The following AGPAT4 variants were observed in gnomAD, a reference collection of about 807,000 sequenced individuals.
The protein encoded by AGPAT4 is 1-acyl-sn-glycerol-3-phosphate acyltransferase delta.
Under a neutral mutation model 48.0 loss-of-function variants are expected in AGPAT4, and 15 were observed. The ratio of observed to expected loss-of-function variants is 0.31; its 90% CI spans 0.21 to 0.48. The LOEUF (loss-of-function observed/expected upper bound fraction) is 0.48. AGPAT4 is among the 20% of genes least tolerant of loss of function. The pLI is 0.99. For missense variants in AGPAT4, 314 were observed against 482.5 expected, an observed-to-expected ratio of 0.65 and a Z score of 3.27; for synonymous variants, 178 against 198.7, an observed-to-expected ratio of 0.90 and a Z score of 0.88.
Position 161,254,527 on chromosome 6 carries a change from G to C in AGPAT4, c.-90+19411C>G, listed in dbSNP as rs181684360. Among the ~76,000 whole-genome samples the C allele has an allele frequency of 2.0e-5, 3 of 152,332 alleles. No individual in the cohort carries two copies. The highest frequency in any genetic ancestry group is 2.0e-4 in the Admixed American group (3 of 15,296). ...ATAGAGCCTCTACCGCGTGGCCCTG[G>C]TGATCTTTTCTCACGGCCATGTTCT... is the stretch of plus-strand genomic sequence containing the variant. On this transcript the variant is annotated intron_variant, in intron 1 of 8. Coordinates refer to ENST00000320285, the MANE Select transcript of AGPAT4 (RefSeq NM_020133.3). The surrounding 1 kb of genome is among the most constrained non-coding windows in gnomAD (Gnocchi z 5.9).
intron 1 of AGPAT4, among the ~76,000 whole-genome samples, chr6:161,237,005 C>T (rs551178255): frequency 3.3e-5 from 5 of 152,120 alleles, no homozygotes; most frequent in East Asian, 1.9e-4. Flanking sequence ...AAAGGGATCG[C>T]GGAAACACAA....
intron 2 of AGPAT4, among the ~76,000 whole-genome samples, chr6:161,211,279 T>C (rs1299381903): frequency 6.6e-6 from 1 of 152,184 alleles, no homozygotes; most frequent in African/African-American, 2.4e-5. Context: ...GATATTTCAT[T>C]ATTTGGGTAT....
Position 161,161,793 on chromosome 6 carries a change from G to C in AGPAT4, c.348+4455C>G, listed in dbSNP as rs542450319. On this transcript the variant is annotated intron_variant, in intron 3 of 8. Coordinates refer to ENST00000320285, the MANE Select transcript of AGPAT4 (RefSeq NM_020133.3). This position sits in a 1 kb window ranked among gnomAD's most constrained non-coding sequence, Gnocchi z 4.6. The stretch of plus-strand genomic sequence containing the variant: ...TCAACACTCACTGGACACGTATTTT[G>C]AAGGTATATCAATTGCTATCGTTGT... The C allele has an allele frequency of 1.0e-5, 3 of 300,504 alleles. No individual in the cohort carries two copies. The highest frequency in any genetic ancestry group is 9.7e-5 in the South Asian group (3 of 30,954). 18.6% of individuals were successfully genotyped at this position (300,504 alleles called of 1,614,324 possible). A position where few individuals can be genotyped will look rare whatever the true frequency, so the allele number is the denominator to read the frequency against.
chr6:161,199,006 A>G (rs1175023512), intron 2 of AGPAT4, among the ~76,000 whole-genome samples: 1 of 152,142 alleles, frequency 6.6e-6, no homozygotes, highest in Non-Finnish European at 1.5e-5. Flanking sequence ...CCTTTGGGAC[A>G]GATTACGTAT....
chr6:161,235,169 A>G lies in AGPAT4; in HGVS notation c.-89-2867T>C, dbSNP rs1036937056. ...CTGCCCTGTCTCTTATTAGTTGTGT[A>G]TTGGTACCCTATTTTGGGCACATTA... On this transcript the variant is annotated intron_variant, in intron 1 of 8. Transcript: ENST00000320285. This position sits in a 1 kb window ranked among gnomAD's most constrained non-coding sequence, Gnocchi z 6.2. Among the ~76,000 whole-genome samples, 2 of 152,108 alleles carry G rather than the reference A, an allele frequency of 1.3e-5. No individual in the cohort carries two copies. Among genetic ancestry groups the G allele is most frequent in the African/African-American group, 4.8e-5 (2 of 41,412 alleles).
In AGPAT4 at chr6:161,219,916, C is replaced by CAGGCAGGCAGGCAGGCGGCAGGCAGGCA. The variant is rs770490075; in HGVS notation, c.178+12119_178+12120insTGCCTGCCTGCCGCCTGCCTGCCTGCCT. On this transcript the variant is annotated intron_variant, in intron 2 of 8. Transcript: ENST00000320285. The surrounding 1 kb of genome is among the most constrained non-coding windows in gnomAD (Gnocchi z 4.9). Reference sequence around the variant, plus strand: ...GCAGGCAGGCAGGCAGGCAGGCAGGCGGCAGGCAGGCAGGCAGGCAGGCAG... The same window carrying CAGGCAGGCAGGCAGGCGGCAGGCAGGCA: ...GCAGGCAGGCAGGCAGGCAGGCAGGCAGGCAGGCAGGCAGGCGGCAGGCAGGCAGGCAGGCAGGCAGGCAGGCAGGCAG... Among the ~76,000 whole-genome samples, 3 of 106,042 alleles carry CAGGCAGGCAGGCAGGCGGCAGGCAGGCA rather than the reference C, an allele frequency of 2.8e-5. No homozygotes were observed. The highest frequency in any genetic ancestry group is 9.2e-5 in the Admixed American group (1 of 10,812). 69.6% of individuals were successfully genotyped at this position (106,042 alleles called of 152,430 possible).
rs1473117469 is a variant in AGPAT4 at position 161,219,909 on chromosome 6, A to AGGCG, written c.178+12126_178+12127insCGCC. 7.9e-6 allele frequency among the ~76,000 whole-genome samples: 1 copy of AGGCG among 126,004 alleles called. No homozygotes were observed. The highest frequency in any genetic ancestry group is 1.7e-5 in the Non-Finnish European group (1 of 59,008). 82.7% of individuals were successfully genotyped at this position (126,004 alleles called of 152,430 possible). On this transcript the variant is annotated intron_variant, in intron 2 of 8. Coordinates refer to ENST00000320285, the MANE Select transcript of AGPAT4 (RefSeq NM_020133.3). This position sits in a 1 kb window ranked among gnomAD's most constrained non-coding sequence, Gnocchi z 4.9. ...CAGGCAGGCAGGCAGGCAGGCAGGC[A>AGGCG]GGCAGGCGGCAGGCAGGCAGGCAGG...
At chr6:161,183,725 A>G (rs1201860397) in intron 2 of AGPAT4, among the ~76,000 whole-genome samples, 4 of 57,852 alleles carry the variant, frequency 6.9e-5, no homozygotes, top group African/African-American at 2.3e-4. Flanking sequence ...AGGAGATGGG[A>G]GAAGAGGGGA....
At chr6:161,192,035 C>T (rs11970102) in intron 2 of AGPAT4, among the ~76,000 whole-genome samples, 21,752 of 126,722 alleles carry the variant, frequency 0.17, 2,758 homozygotes, top group African/African-American at 0.42. Flanking sequence ...TTGTGCATTC[C>T]TTTTTTTTTT....
In AGPAT4 at chr6:161,130,841, C is replaced by G. The variant is rs533535203; in HGVS notation, c.*5699G>C. On this transcript the variant is annotated 3_prime_UTR_variant, in exon 9 of 9. Coordinates refer to ENST00000320285, the MANE Select transcript of AGPAT4 (RefSeq NM_020133.3). Reference sequence around the variant, plus strand: ...CTTTACAAGTCTGAGCCATCCCGTACTAGTTCATCAACTTTCCTTCCTCAT... The same window carrying G: ...CTTTACAAGTCTGAGCCATCCCGTAGTAGTTCATCAACTTTCCTTCCTCAT... 5.8e-6 allele frequency: 3 copies of G among 518,920 alleles called. No individual in the cohort carries two copies. Among genetic ancestry groups the G allele is most frequent in the Non-Finnish European group, 1.2e-5 (3 of 259,878 alleles). The allele number at this position is 518,920 out of a possible 1,614,324, so 32.1% of individuals were successfully genotyped here. A position where few individuals can be genotyped will look rare whatever the true frequency, so the allele number is the denominator to read the frequency against.
chr6:161,139,606 C>T lies in AGPAT4; in HGVS notation c.858G>A (p.Glu286=), dbSNP rs1341782120. ...KLYQEKDAFQ[E]EYYRTGTFPE... ...GGAAGGTGCCCGTCCTGTAGTACTC[C>T]TCCTGAAAGGCATCCTGGGGGACAG... is the stretch of plus-strand genomic sequence containing the variant. Residue 286 remains glutamate (E), a synonymous_variant, in exon 8 of 9, where the codon GAG becomes GAA. Coordinates refer to ENST00000320285, the MANE Select transcript of AGPAT4 (RefSeq NM_020133.3). This position sits in a 1 kb window ranked among gnomAD's most constrained non-coding sequence, Gnocchi z 9.1. The T allele has an allele frequency of 2.5e-6, 4 of 1,603,960 alleles. No homozygotes were observed. The Admixed American group carries it at 6.7e-5, about 27-fold the overall frequency.
chr6:161,215,975 G>T lies in AGPAT4; in HGVS notation c.178+16061C>A, dbSNP rs1478679469. Among the ~76,000 whole-genome samples, 1 of 152,172 alleles carries T rather than the reference G, an allele frequency of 6.6e-6. No homozygotes were observed. Among genetic ancestry groups the T allele is most frequent in the Non-Finnish European group, 1.5e-5 (1 of 68,030 alleles). Reference sequence around the variant, plus strand: ...GGCTATCAAACCTCCTCTGCCCCTAGAGCTGGAAAGCTGTCCAGGCTCACA... The same window carrying T: ...GGCTATCAAACCTCCTCTGCCCCTATAGCTGGAAAGCTGTCCAGGCTCACA... On this transcript the variant is annotated intron_variant, in intron 2 of 8. Transcript: ENST00000320285. The surrounding 1 kb of genome is among the most constrained non-coding windows in gnomAD (Gnocchi z 4.5).
Position 161,136,474 on chromosome 6 carries a change from C to A in AGPAT4, c.*66G>T. 6.9e-7 allele frequency: 1 copy of A among 1,448,758 alleles called. No homozygotes were observed. The highest frequency in any genetic ancestry group is 9.7e-7 in the Non-Finnish European group (1 of 1,034,134). 89.7% of individuals were successfully genotyped at this position (1,448,758 alleles called of 1,614,324 possible). On this transcript the variant is annotated 3_prime_UTR_variant, in exon 9 of 9. Transcript: ENST00000320285. ...ACCCAGCCTTTGTCACCGTGTCCCA[C>A]TAAGGAGGATATGCAGAGGCCACCA...
intron 5 of AGPAT4, among the ~76,000 whole-genome samples, chr6:161,152,372 G>A (rs1030429995): frequency 1.3e-5 from 2 of 152,140 alleles, no homozygotes; most frequent in African/African-American, 2.4e-5. Context: ...GCGCTGGCCC[G>A]GGTGTGCAGC....
At chr6:161,187,127 G>A (rs926737790) in intron 2 of AGPAT4, among the ~76,000 whole-genome samples, 12 of 152,224 alleles carry the variant, frequency 7.9e-5, no homozygotes, top group African/African-American at 2.4e-4. Context: ...CAGAACTGCT[G>A]TGAACATCTA....
intron 1 of AGPAT4, among the ~76,000 whole-genome samples, chr6:161,237,496 A>G (rs1261568564): frequency 6.6e-6 from 1 of 152,238 alleles, no homozygotes; most frequent in Non-Finnish European, 1.5e-5. Context: ...GGTTAAATAC[A>G]TAGGGGATGT....
rs748317211 is a variant in AGPAT4, at chr6:161,225,616, G to C, written c.178+6420C>G. Among the ~76,000 whole-genome samples, 34 of 152,282 alleles carry C rather than the reference G, an allele frequency of 2.2e-4. No homozygotes were observed. Among genetic ancestry groups the C allele is most frequent in the Admixed American group, 1.3e-3 (20 of 15,296 alleles). On this transcript the variant is annotated intron_variant, in intron 2 of 8. Coordinates refer to ENST00000320285, the MANE Select transcript of AGPAT4 (RefSeq NM_020133.3). This position sits in a 1 kb window ranked among gnomAD's most constrained non-coding sequence, Gnocchi z 5.0. ...TTCGTCAGTTTCTGGAAGCAACCCC[G>C]CTAGCCCATCACTGGTGGAAGCAGA...
intron 1 of AGPAT4, among the ~76,000 whole-genome samples, chr6:161,241,002 C>G (rs1330300152): frequency 6.6e-6 from 1 of 152,094 alleles, no homozygotes; most frequent in African/African-American, 2.4e-5. Context: ...CAGCGGCTCA[C>G]ACCTGTAATC....
rs1779352764 is a variant in AGPAT4 at position 161,144,458 on chromosome 6, A to G, written c.843+2066T>C. Reference sequence around the variant, plus strand: ...TTTAAATGTGAACATAGTTTAGAGGAAAACACCCTAAGAGACTTTTAACAA... The same window carrying G: ...TTTAAATGTGAACATAGTTTAGAGGGAAACACCCTAAGAGACTTTTAACAA... On this transcript the variant is annotated intron_variant, in intron 7 of 8. Transcript: ENST00000320285. The surrounding 1 kb of genome is among the most constrained non-coding windows in gnomAD (Gnocchi z 6.6). 6.6e-6 allele frequency among the ~76,000 whole-genome samples: 1 copy of G among 152,168 alleles called. No homozygotes were observed. The highest frequency in any genetic ancestry group is 2.1e-4 in the South Asian group (1 of 4,832).
Sources: gnomAD v4.1 joint callset for allele counts (sites outside exome capture counted in the v4.1 genomes callset) on GRCh38, gnomAD v4.1.1 for gene constraint, Gnocchi (gnomAD v3.1) non-coding constraint, MANE v1.5 for transcripts, NCBI Gene and HGNC (gene_info 2026-07-23, HGNC 2026-07-21) for gene names.